CD109: variants seen among roughly 807,000 people sequenced by gnomAD.
CD109 encodes CD109 antigen.
A neutral mutation model predicts 165.8 loss-of-function variants in CD109; 149 were observed. That is an observed-to-expected ratio of 0.90 (90% CI 0.79 to 1.03). The LOEUF (loss-of-function observed/expected upper bound fraction) is 1.03. CD109 is among the 50% of genes least tolerant of loss of function. The pLI is 0.00. For missense variants in CD109, 1,712 were observed against 1,677.8 expected, an observed-to-expected ratio of 1.02 and a Z score of -0.36; for synonymous variants, 585 against 592.1, an observed-to-expected ratio of 0.99 and a Z score of 0.18.
upstream of CD109, chr6:73,696,167 C>T (rs758088493): frequency 6.5e-7 from 1 of 1,529,242 alleles, no homozygotes; most frequent in Non-Finnish European, 8.8e-7. Context: ...CCCACGGTGC[C>T]CGCGAACTTC....
At chr6:73,785,217 G>T in intron 19 of CD109, 147 bp from the exon 20 acceptor site, 1 of 621,434 alleles carries the variant, frequency 1.6e-6, no homozygotes. Context: ...TTTGTGATAA[G>T]TTGCTGTTTG....
rs532897903 is a variant in CD109 at position 73,808,997 on chromosome 6, C to T, written c.3355+749C>T. Among the ~76,000 whole-genome samples the T allele has an allele frequency of 3.9e-5, 6 of 152,200 alleles. No homozygotes were observed. The East Asian group carries it at 1.2e-3, about 29-fold the overall frequency. ...GTATTAACAGTAACTTAGATTGAAT[C>T]CTTGTTACCTATTCCAAAGCTGGGG... On this transcript the variant is annotated intron_variant, in intron 26 of 32. Coordinates refer to ENST00000287097, the MANE Select transcript of CD109 (RefSeq NM_133493.5).
chr6:73,727,999 C>T (rs1156331905), intron 3 of CD109, among the ~76,000 whole-genome samples: 6 of 152,066 alleles, frequency 3.9e-5, no homozygotes, highest in Non-Finnish European at 8.8e-5. Context: ...GTACCTAGGG[C>T]GTCCTGGTAC....
At chr6:73,708,833 T>G (rs1455525098) in intron 2 of CD109, among the ~76,000 whole-genome samples, 1 of 152,206 alleles carries the variant, frequency 6.6e-6, no homozygotes, top group Non-Finnish European at 1.5e-5. Context: ...TTTGCCCACT[T>G]GTTGATGGGG....
intron 15 of CD109, 90 bp from the exon 16 acceptor site, chr6:73,780,334 A>C (rs776662694): frequency 4.1e-5 from 33 of 812,462 alleles, no homozygotes; most frequent in Non-Finnish European, 6.3e-5. Context: ...GTTGATAAAC[A>C]TGAAGGCTAA....
chr6:73,791,190 T>TATATATATATATATGTATATAC (rs1352766740), intron 22 of CD109, among the ~76,000 whole-genome samples: 1 of 13,528 alleles, frequency 7.4e-5, no homozygotes, highest in Non-Finnish European at 1.5e-4. Flanking sequence ...CACACACACA[T>TATATATATATATATGTATATAC]ACATATATAT....
At chr6:73,731,524 A>C (rs1772369134) in intron 4 of CD109, among the ~76,000 whole-genome samples, 1 of 152,210 alleles carries the variant, frequency 6.6e-6, no homozygotes, top group African/African-American at 2.4e-5. Flanking sequence ...GTGCTAGGAC[A>C]TGAGGTCCTA....
chr6:73,712,538 CT>C (rs1330235715), intron 2 of CD109, among the ~76,000 whole-genome samples: 1 of 152,070 alleles, frequency 6.6e-6, no homozygotes, highest in Non-Finnish European at 1.5e-5. Context: ...TACTCCTTCC[CT>C]TCAATGATTT....
At position 73,788,589 on chromosome 6, in the gene CD109, A is replaced by G; in HGVS notation, c.2678A>G (p.Glu893Gly). 1 of 1,613,300 alleles carries G rather than the reference A, an allele frequency of 6.2e-7. No individual in the cohort carries two copies. The highest frequency in any genetic ancestry group is 8.5e-7 in the Non-Finnish European group (1 of 1,179,712). The change falls in exon 22 of 33, where the codon GAA becomes GGA. Residue 893 changes from glutamate to glycine, a missense_variant. Transcript: ENST00000287097. The part of the protein sequence containing the change: ...SFPPNTVTGS[E>G]RVQITAIGDV... ...CCTCCTAATACAGTGACTGGCAGTGAAAGAGTTCAGATCACTGCAATTGGT... is the reference window on the plus strand; with the variant it reads ...CCTCCTAATACAGTGACTGGCAGTGGAAGAGTTCAGATCACTGCAATTGGT...
intron 5 of CD109, among the ~76,000 whole-genome samples, chr6:73,750,583 G>A (rs750791799): frequency 1.8e-4 from 28 of 152,210 alleles, no homozygotes; most frequent in Admixed American, 3.3e-4. Context: ...GCAATAAAGC[G>A]CATAAATAGC....
At chr6:73,783,633 A>G (rs1415025818) in intron 18 of CD109, 74 bp from the exon 19 acceptor site, 1 of 847,610 alleles carries the variant, frequency 1.2e-6, no homozygotes, top group Non-Finnish European at 2.0e-6. Context: ...AAAATAGTTT[A>G]GATTATTTTG....
At chr6:73,812,325 T>A in intron 29 of CD109, 55 bp downstream of exon 29, 2 of 1,168,818 alleles carry the variant, frequency 1.7e-6, no homozygotes, top group Non-Finnish European at 2.5e-6. Context: ...TAATAATTAT[T>A]TGGTTTGGGG....
chr6:73,726,314 A>G (rs1582066201), intron 3 of CD109, among the ~76,000 whole-genome samples: 2 of 152,372 alleles, frequency 1.3e-5, no homozygotes, highest in East Asian at 3.9e-4. Context: ...AATAAAAAAC[A>G]TAAATTGAGA....
chr6:73,736,441 T>C lies in CD109; in HGVS notation c.566T>C (p.Ile189Thr), dbSNP rs1277059708. 2.5e-6 allele frequency: 4 copies of C among 1,613,946 alleles called. No individual in the cohort carries two copies. Among genetic ancestry groups the C allele is most frequent in the Non-Finnish European group, 3.4e-6 (4 of 1,179,882 alleles). Reference protein sequence around the residue: ...WLSQQSDLGVISKTFQLSSHP... With the variant: ...WLSQQSDLGVTSKTFQLSSHP... ...TCACAACAAAGTGATCTTGGAGTCA[T>C]TTCCAAAACTTTTCAGCTATCTTCC... The change falls in exon 5 of 33, where the codon ATT becomes ACT. Residue 189 changes from isoleucine (I) to threonine (T), a missense_variant. Coordinates refer to ENST00000287097, the MANE Select transcript of CD109 (RefSeq NM_133493.5).
intron 26 of CD109, among the ~76,000 whole-genome samples, chr6:73,809,531 T>C (rs765979355): frequency 6.6e-6 from 1 of 152,138 alleles, no homozygotes; most frequent in African/African-American, 2.4e-5. Context: ...GGGAAAAGGA[T>C]GAAAATTTAC....
chr6:73,728,189 C>T (rs1032111475), intron 3 of CD109, among the ~76,000 whole-genome samples: 1 of 152,092 alleles, frequency 6.6e-6, no homozygotes, highest in Non-Finnish European at 1.5e-5. Flanking sequence ...GGCATGGTGG[C>T]GCACACCTGT....
chr6:73,768,314 C>T, intron 14 of CD109, 83 bp downstream of exon 14: 1 of 838,618 alleles, frequency 1.2e-6, no homozygotes, highest in Non-Finnish European at 1.9e-6. Context: ...AGAAAAGTAT[C>T]ATTAAGCCAA....
chr6:73,709,475 G>A (rs1771440170), intron 2 of CD109, among the ~76,000 whole-genome samples: 2 of 152,176 alleles, frequency 1.3e-5, no homozygotes, highest in Admixed American at 6.5e-5. Flanking sequence ...GATTGACTTG[G>A]CAATGTGAGT....
At chr6:73,741,616 A>G (rs945862518) in intron 5 of CD109, among the ~76,000 whole-genome samples, 15 of 152,114 alleles carry the variant, frequency 9.9e-5, no homozygotes, top group Non-Finnish European at 1.9e-4. Flanking sequence ...TAGGTATGTT[A>G]TCTCTTGATT....
Sources: allele counts gnomAD v4.1 joint callset (sites outside exome capture counted in the v4.1 genomes callset), GRCh38; gene constraint gnomAD v4.1.1; transcripts MANE v1.5; gene names NCBI Gene and HGNC (gene_info 2026-07-23, HGNC 2026-07-21).